NEK10: variants seen among roughly 807,000 people sequenced by gnomAD.
NEK10 encodes the protein serine/threonine-protein kinase Nek10.
A neutral mutation model predicts 159.8 loss-of-function variants in NEK10; 122 were observed. That is an observed-to-expected ratio of 0.76 (90% confidence interval 0.66 to 0.89). The LOEUF is 0.89. Among genes scored for constraint, NEK10 ranks in the 40% least tolerant of loss-of-function variants. NEK10 has a pLI of 0.00. For missense variants in NEK10, 1,342 were observed against 1,323.1 expected, an observed-to-expected ratio of 1.01 and a Z score of -0.22; for synonymous variants, 466 against 457.1, an observed-to-expected ratio of 1.02 and a Z score of -0.25.
chr3:27,278,786 A>T, intron 22 of NEK10: 1 of 985,414 alleles, frequency 1.0e-6, no homozygotes, highest in Non-Finnish European at 1.2e-6. Flanking sequence ...TGGTGGGTTC[A>T]AGGGTAAGTT....
chr3:27,264,940 T>A (rs1575512470), intron 22 of NEK10, among the ~76,000 whole-genome samples: 1 of 149,322 alleles, frequency 6.7e-6, no homozygotes, highest in South Asian at 2.1e-4. Flanking sequence ...AAATAAATAA[T>A]AATTTTAAAA....
Position 27,201,524 on chromosome 3 carries a change from T to A in NEK10, c.2277A>T (p.Thr759=), listed in dbSNP as rs755010994. 6.2e-7 allele frequency: 1 copy of A among 1,613,996 alleles called. No individual in the cohort carries two copies. The highest frequency in any genetic ancestry group is 1.7e-5 in the Admixed American group (1 of 60,008). ...AGACTAATTACCTGCTGATGGTGTC[T>A]GTTACTTTTTCAGAGTAGATACCTT... ...VPEGIYSEKV[T]DTISRCLTPD... is the part of the protein sequence containing the mutation. Residue 759 remains threonine (T), a synonymous_variant, in exon 25 of 36, where the codon ACA becomes ACT. Transcript: ENST00000691995.
At chr3:27,361,435 G>A (rs942752141) in intron 1 of NEK10, among the ~76,000 whole-genome samples, 4 of 152,096 alleles carry the variant, frequency 2.6e-5, no homozygotes, top group South Asian at 4.1e-4. Context: ...ATATTAACCC[G>A]TCAACAAAAA....
intron 30 of NEK10, among the ~76,000 whole-genome samples, chr3:27,159,766 T>C (rs1945833924): frequency 6.6e-6 from 1 of 151,856 alleles, no homozygotes; most frequent in Non-Finnish European, 1.5e-5. Flanking sequence ...CTAGAAGAGT[T>C]TGGAGGTACT....
At chr3:27,291,041 A>G (rs2042960317) in intron 18 of NEK10, among the ~76,000 whole-genome samples, 1 of 152,282 alleles carries the variant, frequency 6.6e-6, no homozygotes, top group African/African-American at 2.4e-5. Flanking sequence ...AGAGATTAAT[A>G]ATGCCTTTTG....
In NEK10 at chr3:27,307,874, T is replaced by C; in HGVS notation, c.788A>G (p.Asp263Gly). The C allele has an allele frequency of 6.5e-7, 1 of 1,534,076 alleles. No individual in the cohort carries two copies. ...GCAATCCTACCTTTTAGAAAGCAAGTCATATTCATGTAAAATCATCAACAG... is the reference window on the plus strand; with the variant it reads ...GCAATCCTACCTTTTAGAAAGCAAGCCATATTCATGTAAAATCATCAACAG... ...ENLLMILHEY[D>G]LLSKRLTAEL... The change falls in exon 11 of 36, where the codon GAC becomes GGC. Residue 263 changes from aspartate to glycine, a missense_variant. Physicochemically the swap from Asp to Gly is moderately conservative, Grantham distance 94 (BLOSUM62 -1). Coordinates refer to ENST00000691995, the MANE Select transcript of NEK10 (RefSeq NM_001394966.1).
At chr3:27,305,398 C>G (rs2044159154) in intron 11 of NEK10, among the ~76,000 whole-genome samples, 1 of 151,954 alleles carries the variant, frequency 6.6e-6, no homozygotes, top group African/African-American at 2.4e-5. Flanking sequence ...GTGGTGTGTG[C>G]CTGTAATCCC....
chr3:27,215,917 T>A (rs1314271514), intron 23 of NEK10: 2 of 680,318 alleles, frequency 2.9e-6, no homozygotes, highest in Non-Finnish European at 5.5e-6. Context: ...CTCACCATCA[T>A]GAGAACAGCA....
At chr3:27,301,103 C>T (rs529183385) in intron 13 of NEK10, among the ~76,000 whole-genome samples, 155 of 152,276 alleles carry the variant, frequency 1.0e-3, no homozygotes, top group African/African-American at 3.6e-3. Flanking sequence ...AGCACTCAGA[C>T]CGCACTGTAG....
At chr3:27,305,550 C>G (rs943179459) in intron 11 of NEK10, among the ~76,000 whole-genome samples, 4 of 150,748 alleles carry the variant, frequency 2.7e-5, no homozygotes, top group Middle Eastern at 3.2e-3. Context: ...AAACAAAAAA[C>G]AAACCTACTG....
chr3:27,338,319 C>A (rs2046957789), intron 5 of NEK10, among the ~76,000 whole-genome samples: 1 of 152,200 alleles, frequency 6.6e-6, no homozygotes, highest in Non-Finnish European at 1.5e-5. Context: ...GCCACATTTT[C>A]TTTACCCAGT....
intron 11 of NEK10, among the ~76,000 whole-genome samples, chr3:27,307,614 A>G (rs189377008): frequency 7.9e-5 from 12 of 152,352 alleles, no homozygotes; most frequent in African/African-American, 2.9e-4. Flanking sequence ...AACATTAAAA[A>G]TGATATCACA....
At chr3:27,354,942 T>C (rs2048227009) in intron 1 of NEK10, among the ~76,000 whole-genome samples, 1 of 152,146 alleles carries the variant, frequency 6.6e-6, no homozygotes, top group African/African-American at 2.4e-5. Flanking sequence ...GAGGCAGTCC[T>C]CTCAAAAAGA....
intron 23 of NEK10, chr3:27,215,520 CT>C: frequency 2.2e-6 from 1 of 452,018 alleles, no homozygotes. Context: ...CATAGAATAT[CT>C]TTATATTTAC....
chr3:27,167,024 CA>C (rs976949867), intron 29 of NEK10, among the ~76,000 whole-genome samples: 1 of 152,054 alleles, frequency 6.6e-6, no homozygotes, highest in Non-Finnish European at 1.5e-5. Flanking sequence ...ACTGATGAAT[CA>C]AAAAAGTTGT....
At chr3:27,292,615 C>T (rs1387153963) in intron 16 of NEK10, among the ~76,000 whole-genome samples, 1 of 151,980 alleles carries the variant, frequency 6.6e-6, no homozygotes, top group Admixed American at 6.6e-5. Flanking sequence ...GGGTGGATAA[C>T]CTGAGGTCAG....
intron 32 of NEK10, among the ~76,000 whole-genome samples, chr3:27,125,207 A>C (rs1363324967): frequency 6.6e-6 from 1 of 152,194 alleles, no homozygotes; most frequent in Non-Finnish European, 1.5e-5. Flanking sequence ...TGGTCAATTG[A>C]GAATATAGTA....
chr3:27,151,384 G>A (rs1944856770), intron 30 of NEK10, among the ~76,000 whole-genome samples: 1 of 152,114 alleles, frequency 6.6e-6, no homozygotes, highest in South Asian at 2.1e-4. Context: ...CTTGCTGGGT[G>A]GCTAGATCCA....
Position 27,108,609 on chromosome 3 carries a change from T to A in NEK10, c.*2663A>T, listed in dbSNP as rs1939216962. Among the ~76,000 whole-genome samples the A allele has an allele frequency of 1.3e-5, 2 of 152,168 alleles. No homozygotes were observed. The highest frequency in any genetic ancestry group is 2.9e-5 in the Non-Finnish European group (2 of 68,040). On this transcript the variant is annotated 3_prime_UTR_variant, in exon 36 of 36. Transcript: ENST00000691995. ...CGGAAATTAGGTGCATTCATAGGAA[T>A]TTCATTGCACAACAAATCATTAAAA...
Sources: gnomAD v4.1 joint callset for allele counts (sites outside exome capture counted in the v4.1 genomes callset) on GRCh38, gnomAD v4.1.1 for gene constraint, MANE v1.5 for transcripts, NCBI Gene and HGNC (gene_info 2026-07-23, HGNC 2026-07-21) for gene names.